KIAA1549L: variants seen among roughly 807,000 people sequenced by gnomAD.
KIAA1549L encodes UPF0606 protein KIAA1549L.
A neutral mutation model predicts 160.7 loss-of-function variants in KIAA1549L; 88 were observed. That is an observed-to-expected ratio of 0.55 (90% CI 0.46 to 0.65). The LOEUF (loss-of-function observed/expected upper bound fraction) is 0.65. KIAA1549L is among the 30% of genes least tolerant of loss of function. KIAA1549L has a pLI of 0.00. For missense variants in KIAA1549L, 2,258 were observed against 2,437.5 expected (o/e 0.93, Z 1.55); for synonymous variants, 950 against 976.7 (o/e 0.97, Z 0.51).
At chr11:33,409,876 A>T (rs1010157064) in intron 1 of KIAA1549L, among the ~76,000 whole-genome samples, 2 of 151,688 alleles carry the variant, frequency 1.3e-5, no homozygotes, top group Non-Finnish European at 2.9e-5. Flanking sequence ...TACAATATAA[A>T]GTTACCTTAT....
intron 16 of KIAA1549L, among the ~76,000 whole-genome samples, chr11:33,638,695 T>C (rs993140850): frequency 1.1e-4 from 17 of 152,226 alleles, no homozygotes; most frequent in African/African-American, 3.9e-4. Context: ...AGGGTAGGTA[T>C]ATGTTTAAGA....
chr11:33,515,830 G>A (rs1234478412), intron 1 of KIAA1549L, among the ~76,000 whole-genome samples: 1 of 152,096 alleles, frequency 6.6e-6, no homozygotes, highest in African/African-American at 2.4e-5. Context: ...GCATCTGTTG[G>A]TAGCAAGAAC....
At chr11:33,410,325 G>T (rs1426910613) in intron 1 of KIAA1549L, among the ~76,000 whole-genome samples, 1 of 152,142 alleles carries the variant, frequency 6.6e-6, no homozygotes, top group Non-Finnish European at 1.5e-5. Context: ...GCATTTGTAA[G>T]TGGGAATGGT....
intron 1 of KIAA1549L, among the ~76,000 whole-genome samples, chr11:33,434,516 G>A (rs1429609882): frequency 2.6e-5 from 4 of 152,174 alleles, no homozygotes; most frequent in African/African-American, 7.2e-5. Flanking sequence ...ACATATGTCC[G>A]TTGGATCTGC....
At chr11:33,609,273 C>G (rs1310916952) in intron 14 of KIAA1549L, among the ~76,000 whole-genome samples, 1 of 152,224 alleles carries the variant, frequency 6.6e-6, no homozygotes, top group Non-Finnish European at 1.5e-5. Flanking sequence ...CCCCTTCCAC[C>G]CTGTCCGTCC....
chr11:33,593,946 A>G (rs1368557760), intron 12 of KIAA1549L, among the ~76,000 whole-genome samples: 3 of 152,176 alleles, frequency 2.0e-5, no homozygotes, highest in Non-Finnish European at 4.4e-5. Context: ...GAAAAGATCC[A>G]AGAACTGAAC....
intron 15 of KIAA1549L, among the ~76,000 whole-genome samples, chr11:33,618,332 A>G (rs1236055312): frequency 6.6e-6 from 1 of 151,584 alleles, no homozygotes. Context: ...AATTCAGCCA[A>G]ATGATTACAG....
intron 17 of KIAA1549L, among the ~76,000 whole-genome samples, chr11:33,650,418 G>C (rs755251931): frequency 1.3e-5 from 2 of 152,142 alleles, no homozygotes; most frequent in Non-Finnish European, 2.9e-5. Context: ...TTATTTTTCT[G>C]TGATCTTCTC....
intron 16 of KIAA1549L, among the ~76,000 whole-genome samples, chr11:33,619,188 G>A (rs149704790): frequency 6.5e-4 from 99 of 152,214 alleles, no homozygotes; most frequent in Non-Finnish European, 1.1e-3. Context: ...TTTTAATCCC[G>A]TCAGATTTCC....
At chr11:33,443,236 G>A (rs1851544772) in intron 1 of KIAA1549L, among the ~76,000 whole-genome samples, 2 of 152,134 alleles carry the variant, frequency 1.3e-5, no homozygotes, top group South Asian at 2.1e-4. Flanking sequence ...CTGGGCTGAA[G>A]GGACCCTCCT....
chr11:33,387,039 G>A (rs896955555), intron 1 of KIAA1549L, among the ~76,000 whole-genome samples: 14 of 149,606 alleles, frequency 9.4e-5, no homozygotes, highest in African/African-American at 3.4e-4. Context: ...CCCAGGAGGT[G>A]GAGGTTGCAG....
At chr11:33,440,205 T>C (rs369936987) in intron 1 of KIAA1549L, among the ~76,000 whole-genome samples, 169 of 139,666 alleles carry the variant, frequency 1.2e-3, no homozygotes, top group East Asian at 8.1e-3. Flanking sequence ...TCTCGGCTCA[T>C]TGCAAGCTCC....
intron 1 of KIAA1549L, among the ~76,000 whole-genome samples, chr11:33,522,900 C>CA (rs56199693): frequency 0.68 from 100,578 of 147,108 alleles, 34,540 homozygotes; most frequent in African/African-American, 0.82. Flanking sequence ...TTCTCTCTCT[C>CA]AAAAAAAAAA....
In KIAA1549L at chr11:33,442,078, A is replaced by G. The variant is rs540989737; in HGVS notation, c.238+65189A>G. On this transcript the variant is annotated intron_variant, in intron 1 of 20. Coordinates refer to ENST00000658780, the MANE Select transcript of KIAA1549L (RefSeq NM_012194.3). ...GGTCTAACATTTAAGTCTTTAATCC[A>G]TCTTGAATTAATTTTTGTATAAGGT... Among the ~76,000 whole-genome samples the G allele has an allele frequency of 3.6e-4, 54 of 151,762 alleles. 1 individual carries two copies. Among genetic ancestry groups the G allele is most frequent in the South Asian group, 2.9e-3 (14 of 4,802 alleles).
chr11:33,563,174 A>G (rs1368137574), intron 8 of KIAA1549L, among the ~76,000 whole-genome samples: 1 of 151,646 alleles, frequency 6.6e-6, no homozygotes, highest in African/African-American at 2.4e-5. Context: ...CCTAACCAAC[A>G]TATCTAGTAA....
At chr11:33,484,514 A>G (rs1376884941) in intron 1 of KIAA1549L, among the ~76,000 whole-genome samples, 2 of 152,244 alleles carry the variant, frequency 1.3e-5, no homozygotes, top group Non-Finnish European at 2.9e-5. Context: ...TTCGCCAGTT[A>G]CTTAATTCCT....
chr11:33,611,321 G>A (rs1243127211), intron 15 of KIAA1549L, among the ~76,000 whole-genome samples: 1 of 152,180 alleles, frequency 6.6e-6, no homozygotes, highest in African/African-American at 2.4e-5. Flanking sequence ...CCATAGGGCA[G>A]TTTCTGGCCT....
At chr11:33,625,252 A>G (rs1435976689) in intron 16 of KIAA1549L, among the ~76,000 whole-genome samples, 1 of 152,032 alleles carries the variant, frequency 6.6e-6, no homozygotes, top group Non-Finnish European at 1.5e-5. Context: ...AGCATGATTT[A>G]TAGTCCTTTG....
intron 1 of KIAA1549L, among the ~76,000 whole-genome samples, chr11:33,504,145 C>T (rs1459729630): frequency 1.3e-5 from 2 of 152,040 alleles, no homozygotes; most frequent in Non-Finnish European, 2.9e-5. Context: ...CCTGTAATCC[C>T]AGCTACTCGG....
Sources: gnomAD v4.1 joint callset for allele counts (sites outside exome capture counted in the v4.1 genomes callset) on GRCh38, gnomAD v4.1.1 for gene constraint, MANE v1.5 for transcripts, NCBI Gene and HGNC (gene_info 2026-07-23, HGNC 2026-07-21) for gene names.